The following POLR1B variants were observed in gnomAD, a reference collection of about 807,000 sequenced individuals.
POLR1B encodes RNA polymerase I subunit B, also known as DNA-directed RNA polymerase I subunit RPA2.
In POLR1B, 30 loss-of-function variants were observed where a neutral mutation model predicts 105.8. The ratio of observed to expected loss-of-function variants is 0.28; its 90% CI spans 0.21 to 0.38. The LOEUF is 0.38. Ranked by LOEUF, POLR1B falls within the 10% of genes least tolerant of loss-of-function variation. The probability of loss-of-function intolerance (pLI) is 1.00; values close to 1 mark genes in which losing one functional copy is unlikely to be tolerated. For missense variants in POLR1B, 976 were observed against 1,435.8 expected (o/e 0.68, Z 5.17); for synonymous variants, 485 against 505.1 (o/e 0.96, Z 0.53).
chr2:112,552,131 T>C, intron 6 of POLR1B, 133 bp downstream of exon 6: 1 of 636,468 alleles, frequency 1.6e-6, no homozygotes, highest in Non-Finnish European at 2.6e-6. Flanking sequence ...TGGTCCTTGC[T>C]AGCCGGGGGC....
At position 112,544,088 on chromosome 2, in the gene POLR1B, T is replaced by TA. The variant is rs75593699; in HGVS notation, c.177+1429dup. Among the ~76,000 whole-genome samples, 650 of 144,968 alleles carry TA rather than the reference T, an allele frequency of 4.5e-3. 5 individuals carry two copies. Among genetic ancestry groups the TA allele is most frequent in the African/African-American group, 0.013 (500 of 39,744 alleles). The stretch of plus-strand genomic sequence containing the variant: ...TCGGTAACAGAGTGAGACCTGTCTT[T>TA]AAAAAAAAAAAATCCAATTGAGAAA... On this transcript the variant is annotated intron_variant, in intron 1 of 14. Coordinates refer to ENST00000263331, the MANE Select transcript of POLR1B (RefSeq NM_019014.6).
At chr2:112,548,723 C>T (rs1683195950) in intron 3 of POLR1B, among the ~76,000 whole-genome samples, 2 of 152,092 alleles carry the variant, frequency 1.3e-5, no homozygotes, top group South Asian at 2.1e-4. Context: ...AGCCATTCTC[C>T]TGCCTCAGCC....
chr2:112,552,134 C>T, intron 6 of POLR1B, 136 bp downstream of exon 6: 2 of 608,904 alleles, frequency 3.3e-6, no homozygotes, highest in Non-Finnish European at 5.5e-6. Flanking sequence ...TCCTTGCTAG[C>T]CGGGGGCTAC....
intron 10 of POLR1B, among the ~76,000 whole-genome samples, chr2:112,565,844 G>GT (rs1352663295): frequency 6.6e-6 from 1 of 152,092 alleles, no homozygotes; most frequent in Admixed American, 6.6e-5. Context: ...GAGGTTGAGG[G>GT]TGGGGGTGAA....
intron 4 of POLR1B, among the ~76,000 whole-genome samples, chr2:112,550,084 G>A (rs1683286307): frequency 6.6e-6 from 1 of 151,364 alleles, no homozygotes; most frequent in African/African-American, 2.4e-5. Flanking sequence ...CCATAAGTGG[G>A]TGTGGGTCTT....
At chr2:112,547,600 A>C in intron 3 of POLR1B, 33 bp downstream of exon 3, 1 of 1,602,632 alleles carries the variant, frequency 6.2e-7, no homozygotes, top group Non-Finnish European at 8.5e-7. Context: ...GAGACAGTAG[A>C]GAAGGCCTGG....
At position 112,567,964 on chromosome 2, in the gene POLR1B, C is replaced by T. The variant is rs767857275; in HGVS notation, c.1747-3C>T. On this transcript the variant is annotated splice_polypyrimidine_tract_variant and splice_region_variant and intron_variant, in intron 10 of 14. Transcript: ENST00000263331. ...TGTTAAACTCTGTTTTTGTTAAAAA[C>T]AGGTGTTGAGAGAGAAAAGAATTCC... is the stretch of plus-strand genomic sequence containing the variant. 2.1e-5 allele frequency: 34 copies of T among 1,612,332 alleles called. No homozygotes were observed. Among genetic ancestry groups the T allele is most frequent in the Non-Finnish European group, 2.9e-5 (34 of 1,179,050 alleles).
intron 14 of POLR1B, 58 bp downstream of exon 14, chr2:112,573,873 G>T: frequency 6.4e-7 from 1 of 1,569,130 alleles, no homozygotes; most frequent in Non-Finnish European, 8.7e-7. Context: ...TTGAGACAGG[G>T]TCTCAGTGTG....
chr2:112,550,744 T>C (rs1029676385), intron 4 of POLR1B, 122 bp from the exon 5 acceptor site: 24 of 1,002,314 alleles, frequency 2.4e-5, no homozygotes, highest in Non-Finnish European at 3.4e-5. Flanking sequence ...TTGCCAGTCT[T>C]GGCTAAACTT....
intron 1 of POLR1B, 75 bp from the exon 2 acceptor site, chr2:112,546,937 A>T (rs141407201): frequency 1.4e-6 from 2 of 1,474,182 alleles, no homozygotes; most frequent in African/African-American, 2.8e-5. Flanking sequence ...TGTAGAACAC[A>T]TAAGATTTGG....
intron 6 of POLR1B, 74 bp from the exon 7 acceptor site, chr2:112,552,571 T>A: frequency 7.3e-7 from 1 of 1,376,984 alleles, no homozygotes; most frequent in Non-Finnish European, 9.7e-7. Context: ...GAGTTGGGGA[T>A]CTTGGTTAAT....
At chr2:112,566,735 CTTT>C (rs35459414) in intron 10 of POLR1B, among the ~76,000 whole-genome samples, 7 of 142,336 alleles carry the variant, frequency 4.9e-5, no homozygotes, top group Non-Finnish European at 7.7e-5. Context: ...AATCATTCCT[CTTT>C]TTTTTTTTTT....
rs1289314522 is a variant in POLR1B at position 112,551,855 on chromosome 2, T to G, written c.843T>G (p.Ser281=). 6.2e-7 allele frequency: 1 copy of G among 1,614,166 alleles called. No individual in the cohort carries two copies. ...AGGATGATTCTTTCCTTAGGAACTC[T>G]GTTTCTCAGATGTTAAGGATTGTAA... The part of the protein sequence containing the change: ...GKEDDSFLRN[S]VSQMLRIVME... Residue 281 remains serine (S), a synonymous_variant, in exon 6 of 15, where the codon TCT becomes TCG. Transcript: ENST00000263331.
At position 112,552,609 on chromosome 2, in the gene POLR1B, A is replaced by G. The variant is rs376353092; in HGVS notation, c.987-36A>G. On this transcript the variant is annotated intron_variant, in intron 6 of 14. Transcript: ENST00000263331. ...AATATTAAGTAGTATTACCAACTGA[A>G]TTGTTTTAAGCTTTTTTTTTTTTCT... The G allele has an allele frequency of 2.4e-5, 35 of 1,480,720 alleles. No individual in the cohort carries two copies. The African/African-American group carries it at 5.5e-4, about 23-fold the overall frequency. 91.7% of individuals were successfully genotyped at this position (1,480,720 alleles called of 1,614,324 possible).
At chr2:112,561,656 C>T (rs746574603) in intron 9 of POLR1B, among the ~76,000 whole-genome samples, 1 of 151,878 alleles carries the variant, frequency 6.6e-6, no homozygotes, top group Non-Finnish European at 1.5e-5. Context: ...TGAAAGACAC[C>T]CTTTAAAAAT....
intron 6 of POLR1B, 38 bp downstream of exon 6, chr2:112,552,036 G>C (rs1436333826): frequency 6.5e-7 from 1 of 1,544,604 alleles, no homozygotes; most frequent in South Asian, 1.1e-5. Flanking sequence ...TGGAGGGGCG[G>C]AGGGCTGTCA....
At chr2:112,542,128 C>T, upstream of POLR1B, 7 of 1,535,716 alleles carry the variant, frequency 4.6e-6, no homozygotes, top group Non-Finnish European at 6.1e-6. Flanking sequence ...GACCGCTCTC[C>T]TCCGATCCTA....
intron 7 of POLR1B, among the ~76,000 whole-genome samples, chr2:112,554,919 G>A (rs969061701): frequency 9.9e-5 from 15 of 152,178 alleles, no homozygotes; most frequent in African/African-American, 3.6e-4. Flanking sequence ...GGTGGCTCAC[G>A]CCTATAATCC....
chr2:112,551,854 C>G lies in POLR1B; in HGVS notation c.842C>G (p.Ser281Cys), dbSNP rs1683387394. 6.2e-7 allele frequency: 1 copy of G among 1,614,124 alleles called. No homozygotes were observed. The highest frequency in any genetic ancestry group is 8.5e-7 in the Non-Finnish European group (1 of 1,179,958). ...GKEDDSFLRN[S>C]VSQMLRIVME... ...GAGGATGATTCTTTCCTTAGGAACT[C>G]TGTTTCTCAGATGTTAAGGATTGTA... is the stretch of plus-strand genomic sequence containing the variant. The change falls in exon 6 of 15, where the codon TCT (serine) becomes TGT (cysteine). Residue 281 changes from serine (S) to cysteine (C), a missense_variant. This residue lies in a region of POLR1B where 452 missense variants were observed against 616.5 expected (regional missense o/e 0.73). Transcript: ENST00000263331.
Sources: gnomAD v4.1 joint callset for allele counts (sites outside exome capture counted in the v4.1 genomes callset) on GRCh38, gnomAD v4.1.1 for gene constraint, gnomAD v4.1.1 regional missense constraint, MANE v1.5 for transcripts, NCBI Gene and HGNC (gene_info 2026-07-23, HGNC 2026-07-21) for gene names.